Variants in TCEANC2 observed in about 807,000 individuals in gnomAD.
TCEANC2 encodes the protein transcription elongation factor A N-terminal and central domain containing 2.
Under a neutral mutation model 22.8 loss-of-function variants are expected in TCEANC2, and 20 were observed. That is an observed-to-expected ratio of 0.88 (90% CI 0.62 to 1.28). The LOEUF is 1.28. Ranked by LOEUF, TCEANC2 falls within the 50% of genes most tolerant of loss-of-function variation. The probability of loss-of-function intolerance (pLI) is 0.00; values close to 1 mark genes in which losing one functional copy is unlikely to be tolerated. For missense variants in TCEANC2, 251 were observed against 249.7 expected (o/e 1.01, Z -0.03); for synonymous variants, 84 against 95.5 (o/e 0.88, Z 0.70).
At chr1:54,074,433 A>G (rs1658110482) in intron 3 of TCEANC2, among the ~76,000 whole-genome samples, 1 of 152,186 alleles carries the variant, frequency 6.6e-6, no homozygotes, top group Non-Finnish European at 1.5e-5. Context: ...CCTGCACTCC[A>G]GCCTGGGCAA....
intron 3 of TCEANC2, among the ~76,000 whole-genome samples, chr1:54,073,438 T>C (rs950089866): frequency 6.6e-6 from 1 of 152,236 alleles, no homozygotes; most frequent in African/African-American, 2.4e-5. Flanking sequence ...CCCTCCTCGC[T>C]ACTGGCCCAC....
chr1:54,079,036 G>T (rs1658194654), intron 3 of TCEANC2, among the ~76,000 whole-genome samples: 1 of 152,174 alleles, frequency 6.6e-6, no homozygotes, highest in African/African-American at 2.4e-5. Flanking sequence ...AAAGAGCATG[G>T]GGTATCGAGT....
At chr1:54,081,320 C>T (rs190390324) in intron 3 of TCEANC2, among the ~76,000 whole-genome samples, 1 of 152,304 alleles carries the variant, frequency 6.6e-6, no homozygotes, top group East Asian at 1.9e-4. Context: ...CCTCGAACTC[C>T]TGGGCACACA....
Position 54,096,278 on chromosome 1 carries a change from T to G in TCEANC2, c.439-7T>G, listed in dbSNP as rs1443262146. 6.9e-6 allele frequency: 11 copies of G among 1,586,024 alleles called. No individual in the cohort carries two copies. The highest frequency in any genetic ancestry group is 8.6e-6 in the Non-Finnish European group (10 of 1,157,418). On this transcript the variant is annotated splice_polypyrimidine_tract_variant and splice_region_variant and intron_variant, in intron 4 of 4. Coordinates refer to ENST00000234827, the MANE Select transcript of TCEANC2 (RefSeq NM_153035.3). This position sits in a 1 kb window ranked among gnomAD's most constrained non-coding sequence, Gnocchi z 4.9. ...GGCTCTAATTTGATAATTTTGCTGT[T>G]TTTTAGATGGATCACCTACTGGTTG...
intron 3 of TCEANC2, among the ~76,000 whole-genome samples, chr1:54,069,741 T>C (rs1658022717): frequency 6.6e-6 from 1 of 152,160 alleles, no homozygotes; most frequent in African/African-American, 2.4e-5. Context: ...AAACAAGGTA[T>C]ATACTGGGGA....
intron 3 of TCEANC2, among the ~76,000 whole-genome samples, chr1:54,086,880 A>G (rs1658348897): frequency 6.6e-6 from 1 of 152,238 alleles, no homozygotes; most frequent in Non-Finnish European, 1.5e-5. Context: ...AACATGCCCT[A>G]AGGCAGGGCA....
chr1:54,109,682 T>C (rs1395598068), downstream of TCEANC2, among the ~76,000 whole-genome samples: 1 of 152,210 alleles, frequency 6.6e-6, no homozygotes, highest in Non-Finnish European at 1.5e-5. Flanking sequence ...TCAGGGGCTC[T>C]ATACACATGC....
rs551683998 is a variant in TCEANC2, at chr1:54,094,652, C to T, written c.439-1633C>T. On this transcript the variant is annotated intron_variant, in intron 4 of 4. Coordinates refer to ENST00000234827, the MANE Select transcript of TCEANC2 (RefSeq NM_153035.3). ...CCTACTAGACTAGGCTGCCCAAGGG[C>T]CCAAGGGCTGAGCCTGCCTTAGTCA... 4.6e-5 allele frequency among the ~76,000 whole-genome samples: 7 copies of T among 152,324 alleles called. No homozygotes were observed. The South Asian group carries it at 1.4e-3, about 32-fold the overall frequency.
chr1:54,060,369 C>T (rs996260623), intron 2 of TCEANC2, among the ~76,000 whole-genome samples: 10 of 150,726 alleles, frequency 6.6e-5, no homozygotes, highest in African/African-American at 1.2e-4. Context: ...TGCGCCACTG[C>T]GCTCCAAGCT....
chr1:54,077,000 A>AAGG (rs3086146), intron 3 of TCEANC2, among the ~76,000 whole-genome samples: 78,891 of 151,724 alleles, frequency 0.52, 23,601 homozygotes, highest in African/African-American at 0.82. Context: ...CAGAAACTTG[A>AAGG]AGGTGAGGAA....
chr1:54,096,806 A>T lies in TCEANC2; in HGVS notation c.*333A>T. 1 of 1,029,354 alleles carries T rather than the reference A, an allele frequency of 9.7e-7. No individual in the cohort carries two copies. Among genetic ancestry groups the T allele is most frequent in the Non-Finnish European group, 1.2e-6 (1 of 857,748 alleles). 63.8% of individuals were successfully genotyped at this position (1,029,354 alleles called of 1,614,324 possible). A position where few individuals can be genotyped will look rare whatever the true frequency, so the allele number is the denominator to read the frequency against. On this transcript the variant is annotated 3_prime_UTR_variant, in exon 5 of 5. Transcript: ENST00000234827. This position sits in a 1 kb window ranked among gnomAD's most constrained non-coding sequence, Gnocchi z 4.9. ...GACACCTCTAAACTTCCCCCATGTCAGTCAGATGAAGTTACTACTATATTT... is the reference window on the plus strand; with the variant it reads ...GACACCTCTAAACTTCCCCCATGTCTGTCAGATGAAGTTACTACTATATTT...
intron 4 of TCEANC2, among the ~76,000 whole-genome samples, chr1:54,094,985 T>A (rs541614052): frequency 3.0e-4 from 46 of 152,020 alleles, no homozygotes; most frequent in African/African-American, 8.2e-4. Flanking sequence ...AATTTTTTTT[T>A]AATTTTAATT....
chr1:54,069,644 G>A lies in TCEANC2; in HGVS notation c.244+747G>A, dbSNP rs1458187573. ...AAGAAACTTAGAGTTTGGTAGAGGAGACGAGCATATAGACAAATGGGAACA... is the reference window on the plus strand; with the variant it reads ...AAGAAACTTAGAGTTTGGTAGAGGAAACGAGCATATAGACAAATGGGAACA... On this transcript the variant is annotated intron_variant, in intron 3 of 4. Transcript: ENST00000234827. Among the ~76,000 whole-genome samples the A allele has an allele frequency of 2.6e-5, 4 of 151,498 alleles. No homozygotes were observed. The East Asian group carries it at 7.7e-4, about 29-fold the overall frequency.
At chr1:54,089,787 T>A (rs1368319830) in intron 4 of TCEANC2, 6 of 361,998 alleles carry the variant, frequency 1.7e-5, no homozygotes, top group Non-Finnish European at 3.0e-5. Flanking sequence ...TAAAATAAAG[T>A]TTTGGACCTG....
At chr1:54,085,637 C>T (rs1193793156) in intron 3 of TCEANC2, among the ~76,000 whole-genome samples, 1 of 152,076 alleles carries the variant, frequency 6.6e-6, no homozygotes, top group Non-Finnish European at 1.5e-5. Flanking sequence ...TATACTCTTG[C>T]TCAGTTATAT....
chr1:54,082,802 AT>A (rs1160833690), intron 3 of TCEANC2, among the ~76,000 whole-genome samples: 1 of 152,172 alleles, frequency 6.6e-6, no homozygotes, highest in Non-Finnish European at 1.5e-5. Flanking sequence ...TTAGAAGTTA[AT>A]TTGAGGGCCA....
intron 3 of TCEANC2, among the ~76,000 whole-genome samples, chr1:54,071,962 C>T (rs1197062901): frequency 2.0e-5 from 3 of 152,038 alleles, no homozygotes; most frequent in Non-Finnish European, 4.4e-5. Context: ...CGGGTATGCA[C>T]CAACACATCC....
chr1:54,074,076 A>T (rs1403819063), intron 3 of TCEANC2, among the ~76,000 whole-genome samples: 1 of 152,224 alleles, frequency 6.6e-6, no homozygotes, highest in East Asian at 1.9e-4. Flanking sequence ...AATGTCCAAC[A>T]GAATGCTAGA....
intron 2 of TCEANC2, 58 bp from the exon 3 acceptor site, chr1:54,068,698 G>A: frequency 1.9e-6 from 3 of 1,542,158 alleles, no homozygotes; most frequent in African/African-American, 1.4e-5. Flanking sequence ...CTCAGGTGAA[G>A]GCAGATGTCT....
Sources: allele counts gnomAD v4.1 joint callset (sites outside exome capture counted in the v4.1 genomes callset), GRCh38; gene constraint gnomAD v4.1.1; non-coding constraint Gnocchi (gnomAD v3.1); transcripts MANE v1.5; gene names NCBI Gene and HGNC (gene_info 2026-07-23, HGNC 2026-07-21).